NALCN: variants seen among roughly 807,000 people sequenced by gnomAD.
NALCN encodes sodium leak channel, non-selective.
NALCN carries 111 observed loss-of-function variants against 225.3 expected under a neutral mutation model. That is an observed-to-expected ratio of 0.49 (90% CI 0.42 to 0.58). The LOEUF (loss-of-function observed/expected upper bound fraction) is 0.58. NALCN is among the 20% of genes least tolerant of loss of function. The probability of loss-of-function intolerance (pLI) is 0.00; values close to 1 mark genes in which losing one functional copy is unlikely to be tolerated. For synonymous variants in NALCN, 764 were observed against 769.0 expected (o/e 0.99, Z 0.11); for missense variants, 1,378 against 2,202.4 (o/e 0.63, Z 7.49).
chr13:101,394,237 T>C (rs1281306433), intron 3 of NALCN, among the ~76,000 whole-genome samples: 1 of 152,216 alleles, frequency 6.6e-6, no homozygotes, highest in Non-Finnish European at 1.5e-5. Context: ...TAATGCATTG[T>C]CTGTGATCTC....
intron 10 of NALCN, among the ~76,000 whole-genome samples, chr13:101,283,587 C>T (rs2043240195): frequency 1.3e-5 from 2 of 152,124 alleles, no homozygotes; most frequent in African/African-American, 2.4e-5. Flanking sequence ...CCCAGTTACT[C>T]GGGGAGGTAT....
chr13:101,216,087 C>T (rs1315674630), intron 13 of NALCN, among the ~76,000 whole-genome samples: 2 of 151,784 alleles, frequency 1.3e-5, no homozygotes, highest in African/African-American at 4.8e-5. Flanking sequence ...CTGCCTACTG[C>T]ACAGGAAAAT....
intron 17 of NALCN, among the ~76,000 whole-genome samples, chr13:101,133,097 A>G (rs1195543415): frequency 1.3e-5 from 2 of 152,182 alleles, no homozygotes; most frequent in South Asian, 4.1e-4. Flanking sequence ...TATTAATTTG[A>G]TTAATTCAAT....
chr13:101,304,132 C>G (rs1766903704), intron 7 of NALCN, among the ~76,000 whole-genome samples: 1 of 151,954 alleles, frequency 6.6e-6, no homozygotes, highest in South Asian at 2.1e-4. Context: ...GCTTCAATGA[C>G]CTCCATTTAA....
intron 3 of NALCN, among the ~76,000 whole-genome samples, chr13:101,384,424 C>T (rs2139446277): frequency 6.6e-6 from 1 of 151,822 alleles, no homozygotes; most frequent in African/African-American, 2.4e-5. Context: ...AAAGTAACAA[C>T]ATATCATGCA....
At chr13:101,183,168 C>G (rs1217854625) in intron 14 of NALCN, among the ~76,000 whole-genome samples, 2 of 152,272 alleles carry the variant, frequency 1.3e-5, no homozygotes, top group East Asian at 3.9e-4. Flanking sequence ...TAATCAGAAC[C>G]CATTACAGCG....
chr13:101,290,842 T>C (rs2043526313), intron 9 of NALCN, among the ~76,000 whole-genome samples: 1 of 152,240 alleles, frequency 6.6e-6, no homozygotes, highest in Non-Finnish European at 1.5e-5. Context: ...AAATATCCTT[T>C]AGAATTTAAT....
chr13:101,358,080 T>C (rs1222975616), intron 6 of NALCN, among the ~76,000 whole-genome samples: 1 of 152,160 alleles, frequency 6.6e-6, no homozygotes, highest in African/African-American at 2.4e-5. Flanking sequence ...ATAAAAACCC[T>C]AGAAGAAAAC....
At chr13:101,347,619 T>C (rs2045782123) in intron 6 of NALCN, among the ~76,000 whole-genome samples, 1 of 152,084 alleles carries the variant, frequency 6.6e-6, no homozygotes, top group African/African-American at 2.4e-5. Context: ...AACAGTAAGA[T>C]GGTAAGGAGA....
chr13:101,284,035 G>A lies in NALCN; in HGVS notation c.1048-16C>T. The stretch of plus-strand genomic sequence containing the variant: ...CATGAAACATCTTCAAGACAAAGAA[G>A]GGAGATGAGTCAGAGACATTTAATA... On this transcript the variant is annotated splice_polypyrimidine_tract_variant and intron_variant, in intron 9 of 43. Coordinates refer to ENST00000251127, the MANE Select transcript of NALCN (RefSeq NM_052867.4). The A allele has an allele frequency of 6.2e-7, 1 of 1,608,924 alleles. No homozygotes were observed. The highest frequency in any genetic ancestry group is 8.5e-7 in the Non-Finnish European group (1 of 1,176,528).
chr13:101,269,777 G>T (rs1417833393), intron 10 of NALCN, among the ~76,000 whole-genome samples: 1 of 152,186 alleles, frequency 6.6e-6, no homozygotes, highest in Non-Finnish European at 1.5e-5. Context: ...GTCTCAGCCT[G>T]TGGCAGTCAC....
At chr13:101,163,927 C>T (rs2038314155) in intron 15 of NALCN, among the ~76,000 whole-genome samples, 1 of 152,108 alleles carries the variant, frequency 6.6e-6, no homozygotes, top group African/African-American at 2.4e-5. Flanking sequence ...GCTTGTGATG[C>T]CAGCAATCCT....
At position 101,391,921 on chromosome 13, in the gene NALCN, T is replaced by A. The variant is rs537116944; in HGVS notation, c.291+3262A>T. Among the ~76,000 whole-genome samples, 8 of 150,388 alleles carry A rather than the reference T, an allele frequency of 5.3e-5. No homozygotes were observed. The East Asian group carries it at 1.6e-3, about 29-fold the overall frequency. ...ATCGCTTGAACCTGGGGGACAGAGG[T>A]TGCAGTGAGCCGAAAATGAACCACT... On this transcript the variant is annotated intron_variant, in intron 3 of 43. Coordinates refer to ENST00000251127, the MANE Select transcript of NALCN (RefSeq NM_052867.4).
intron 18 of NALCN, among the ~76,000 whole-genome samples, chr13:101,120,519 TTA>T (rs1491289764): frequency 1.6e-5 from 2 of 123,858 alleles, no homozygotes; most frequent in African/African-American, 9.6e-5. Context: ...AATGCCAAAC[TTA>T]AAAAAAAAAA....
rs565844720 is a variant in NALCN at position 101,148,622 on chromosome 13, G to A, written c.1840-3726C>T. Among the ~76,000 whole-genome samples the A allele has an allele frequency of 1.1e-4, 17 of 152,314 alleles. No individual in the cohort carries two copies. The East Asian group carries it at 2.5e-3, about 22-fold the overall frequency. Reference sequence around the variant, plus strand: ...CAACAGTTCTCTTTTCCCTGAGACTGTAAACTTGGTGAGGACAGGAACCAT... The same window carrying A: ...CAACAGTTCTCTTTTCCCTGAGACTATAAACTTGGTGAGGACAGGAACCAT... On this transcript the variant is annotated intron_variant, in intron 15 of 43. Transcript: ENST00000251127.
At chr13:101,111,333 AAC>A (rs771644585) in intron 18 of NALCN, 107 bp from the exon 19 acceptor site, 3 of 865,056 alleles carry the variant, frequency 3.5e-6, no homozygotes, top group Non-Finnish European at 5.1e-6. Context: ...CACCAATGAA[AAC>A]ACAAAATACA....
chr13:101,273,491 G>A (rs1044879030), intron 10 of NALCN, among the ~76,000 whole-genome samples: 3 of 152,054 alleles, frequency 2.0e-5, no homozygotes, highest in Non-Finnish European at 2.9e-5. Context: ...CTAAACATGG[G>A]AGAGATGAAA....
At chr13:101,322,294 A>G (rs1384345701) in intron 7 of NALCN, among the ~76,000 whole-genome samples, 2 of 152,222 alleles carry the variant, frequency 1.3e-5, no homozygotes, top group Admixed American at 6.5e-5. Flanking sequence ...AAGTACGTCA[A>G]TGTGAACAAT....
intron 18 of NALCN, among the ~76,000 whole-genome samples, chr13:101,113,676 T>C (rs1338262687): frequency 6.6e-6 from 1 of 152,216 alleles, no homozygotes; most frequent in Non-Finnish European, 1.5e-5. Flanking sequence ...TGTTTTAACA[T>C]GCACAGTATA....
Sources: allele counts gnomAD v4.1 joint callset (sites outside exome capture counted in the v4.1 genomes callset), GRCh38; gene constraint gnomAD v4.1.1; transcripts MANE v1.5; gene names NCBI Gene and HGNC (gene_info 2026-07-23, HGNC 2026-07-21).